FYN: variants seen among roughly 807,000 people sequenced by gnomAD.
FYN encodes FYN proto-oncogene, Src family tyrosine kinase, also known as tyrosine-protein kinase Fyn.
Under a neutral mutation model 70.2 loss-of-function variants are expected in FYN, and 10 were observed. That is an observed-to-expected ratio of 0.14 (90% confidence interval 0.09 to 0.24). FYN has a LOEUF of 0.24. Among genes scored for constraint, FYN ranks in the 10% least tolerant of loss-of-function variants. The pLI is 1.00. For missense variants in FYN, 319 were observed against 673.1 expected (o/e 0.47, Z 5.82); for synonymous variants, 236 against 248.6 (o/e 0.95, Z 0.48).
At chr6:111,705,553 A>T (rs1383731157) in intron 6 of FYN, among the ~76,000 whole-genome samples, 2 of 151,838 alleles carry the variant, frequency 1.3e-5, no homozygotes, top group African/African-American at 4.8e-5. Flanking sequence ...AACTAAAAAA[A>T]TTTTTTTTGT....
At chr6:111,849,172 G>A (rs1175842658) in intron 1 of FYN, among the ~76,000 whole-genome samples, 1 of 152,122 alleles carries the variant, frequency 6.6e-6, no homozygotes, top group African/African-American at 2.4e-5. Context: ...AAACATAACT[G>A]AAGTGACCCA....
At chr6:111,786,660 AACCAGTTTATAGTCCT>A (rs1344393203) in intron 2 of FYN, among the ~76,000 whole-genome samples, 2 of 152,190 alleles carry the variant, frequency 1.3e-5, no homozygotes, top group African/African-American at 2.4e-5. Flanking sequence ...ACAATGGTTG[AACCAGTTTATAGTCCT>A]ACCAACAGTG....
In FYN at chr6:111,742,800, A is replaced by G. The variant is rs74393621; in HGVS notation, c.-11-22738T>C. ...GTTATTGCTCCATTCCCATTTACTG[A>G]AGAGGACATAAACAAGGGACAGAGA... On this transcript the variant is annotated intron_variant, in intron 3 of 13. Coordinates refer to ENST00000354650, the MANE Select transcript of FYN (RefSeq NM_002037.5). Among the ~76,000 whole-genome samples, 912 of 152,338 alleles carry G rather than the reference A, an allele frequency of 6.0e-3. 5 individuals carry two copies. Among genetic ancestry groups the G allele is most frequent in the Middle Eastern group, 0.01 (3 of 294 alleles).
At chr6:111,805,020 A>G (rs1376765748) in intron 2 of FYN, among the ~76,000 whole-genome samples, 1 of 151,942 alleles carries the variant, frequency 6.6e-6, no homozygotes, top group Non-Finnish European at 1.5e-5. Flanking sequence ...AGTCCTTTTC[A>G]GCCTGCTTCA....
chr6:111,821,120 T>C (rs982792277), intron 2 of FYN, among the ~76,000 whole-genome samples: 5 of 152,074 alleles, frequency 3.3e-5, no homozygotes, highest in African/African-American at 1.2e-4. Flanking sequence ...CTTCACAGAA[T>C]TGGAAAAAAC....
chr6:111,664,136 C>T (rs569390362), intron 13 of FYN, among the ~76,000 whole-genome samples: 14 of 152,314 alleles, frequency 9.2e-5, no homozygotes, highest in African/African-American at 3.4e-4. Flanking sequence ...AGAACTGGCA[C>T]TCTCCAAAGC....
intron 3 of FYN, among the ~76,000 whole-genome samples, chr6:111,779,239 CTT>C (rs1771079811): frequency 6.6e-6 from 1 of 150,938 alleles, no homozygotes; most frequent in South Asian, 2.1e-4. Context: ...GACATCTGAC[CTT>C]AAACACTGGC....
intron 1 of FYN, among the ~76,000 whole-genome samples, chr6:111,851,248 C>G (rs529768235): frequency 6.6e-6 from 1 of 152,308 alleles, no homozygotes; most frequent in South Asian, 2.1e-4. Flanking sequence ...GCTATGTGTA[C>G]TTTGTATTAC....
chr6:111,792,171 A>G (rs1771648032), intron 2 of FYN, among the ~76,000 whole-genome samples: 1 of 152,252 alleles, frequency 6.6e-6, no homozygotes, highest in South Asian at 2.1e-4. Flanking sequence ...AAGGCAGACA[A>G]TCCAATAAAG....
chr6:111,869,470 A>G (rs1004890172), intron 1 of FYN, among the ~76,000 whole-genome samples: 3 of 152,364 alleles, frequency 2.0e-5, no homozygotes, highest in Admixed American at 2.0e-4. Context: ...AGCTCACTGC[A>G]GTCTCTACCT....
chr6:111,691,017 G>C (rs1328629737), intron 12 of FYN, among the ~76,000 whole-genome samples: 1 of 152,228 alleles, frequency 6.6e-6, no homozygotes, highest in Non-Finnish European at 1.5e-5. Flanking sequence ...TTAGCAAAGT[G>C]TTTGTAACTA....
At chr6:111,812,999 C>T (rs1256289077) in intron 2 of FYN, among the ~76,000 whole-genome samples, 2 of 152,142 alleles carry the variant, frequency 1.3e-5, no homozygotes, top group African/African-American at 4.8e-5. Flanking sequence ...TTTCTAGTTC[C>T]TCAAAATTAT....
chr6:111,704,174 T>C, intron 6 of FYN, 72 bp from the exon 7 acceptor site: 1 of 1,297,546 alleles, frequency 7.7e-7, no homozygotes, highest in Non-Finnish European at 1.1e-6. Flanking sequence ...TAGGCTTTTT[T>C]TTTGCCCATG....
chr6:111,694,019 A>G lies in FYN; in HGVS notation c.1273+356T>C, dbSNP rs1799465742. The stretch of plus-strand genomic sequence containing the variant: ...TCTGAAACCCTGCCTGTGCCTTTGT[A>G]AAAAACACAGGCATGTGAGAATGTG... On this transcript the variant is annotated intron_variant, in intron 12 of 13. Coordinates refer to ENST00000354650, the MANE Select transcript of FYN (RefSeq NM_002037.5). This position sits in a 1 kb window ranked among gnomAD's most constrained non-coding sequence, Gnocchi z 5.0. 6.6e-6 allele frequency among the ~76,000 whole-genome samples: 1 copy of G among 152,100 alleles called. No homozygotes were observed. Among genetic ancestry groups the G allele is most frequent in the South Asian group, 2.1e-4 (1 of 4,830 alleles).
intron 7 of FYN, 26 bp downstream of exon 7, chr6:111,703,973 C>A (rs1311022005): frequency 6.4e-7 from 1 of 1,565,010 alleles, no homozygotes; most frequent in Non-Finnish European, 8.8e-7. Flanking sequence ...GAATGACAAG[C>A]CAACTTCTTC....
chr6:111,742,535 C>T (rs1429637177), intron 3 of FYN, among the ~76,000 whole-genome samples: 1 of 152,112 alleles, frequency 6.6e-6, no homozygotes. Context: ...TGATGCCTGG[C>T]TTATTATTGC....
chr6:111,729,635 CTAAAG>C (rs1189584565), intron 3 of FYN, among the ~76,000 whole-genome samples: 2 of 151,952 alleles, frequency 1.3e-5, no homozygotes, highest in Non-Finnish European at 2.9e-5. Flanking sequence ...AGGGCAATGG[CTAAAG>C]TAAATTGTAA....
chr6:111,867,287 C>T lies in FYN; in HGVS notation c.-123+5681G>A, dbSNP rs200241246. ...AGAAGTTCGAGACCAGCCTGGCCAA[C>T]GTGGCGAAACCCCAATAATTAGCCG... is the stretch of plus-strand genomic sequence containing the variant. On this transcript the variant is annotated intron_variant, in intron 1 of 13. Coordinates refer to ENST00000354650, the MANE Select transcript of FYN (RefSeq NM_002037.5). 5.3e-5 allele frequency among the ~76,000 whole-genome samples: 8 copies of T among 151,932 alleles called. No individual in the cohort carries two copies. In the East Asian group the frequency reaches 9.7e-4, roughly 18 times the overall value.
chr6:111,843,300 G>T (rs923741931), intron 2 of FYN, among the ~76,000 whole-genome samples: 4 of 152,092 alleles, frequency 2.6e-5, no homozygotes, highest in Admixed American at 1.3e-4. Flanking sequence ...TCACTAAATA[G>T]GATGACTCCA....
Sources: allele counts gnomAD v4.1 joint callset (sites outside exome capture counted in the v4.1 genomes callset), GRCh38; gene constraint gnomAD v4.1.1; non-coding constraint Gnocchi (gnomAD v3.1); transcripts MANE v1.5; gene names NCBI Gene and HGNC (gene_info 2026-07-23, HGNC 2026-07-21).